CPPED1: variants seen among roughly 807,000 people sequenced by gnomAD.
CPPED1 encodes serine/threonine-protein phosphatase CPPED1.
A neutral mutation model predicts 28.0 loss-of-function variants in CPPED1; 28 were observed. The observed-to-expected ratio is 1.00, with a 90% CI of 0.74 to 1.37. The LOEUF is 1.37. Ranked by LOEUF, CPPED1 falls within the 40% of genes most tolerant of loss-of-function variation. CPPED1 has a pLI of 0.00. For missense variants in CPPED1, 504 were observed against 416.5 expected, an observed-to-expected ratio of 1.21 and a Z score of -1.83; for synonymous variants, 198 against 180.2, an observed-to-expected ratio of 1.10 and a Z score of -0.79.
intron 2 of CPPED1, among the ~76,000 whole-genome samples, chr16:12,779,179 G>A (rs999621567): frequency 6.6e-6 from 1 of 152,054 alleles, no homozygotes; most frequent in African/African-American, 2.4e-5. Context: ...TTTTTAAAGA[G>A]AAGAAACCAC....
chr16:12,720,464 A>AT (rs796546182), intron 2 of CPPED1: 12 of 153,484 alleles, frequency 7.8e-5, no homozygotes, highest in African/African-American at 2.9e-4. Context: ...TTTACCTTTG[A>AT]TATTAACAAA....
intron 3 of CPPED1, among the ~76,000 whole-genome samples, chr16:12,683,514 C>G (rs1476359539): frequency 6.6e-6 from 1 of 152,202 alleles, no homozygotes; most frequent in Non-Finnish European, 1.5e-5. Flanking sequence ...GTGGACCTCT[C>G]TTCTGGACAT....
intron 2 of CPPED1, among the ~76,000 whole-genome samples, chr16:12,712,648 G>A (rs530334753): frequency 6.6e-6 from 1 of 152,310 alleles, no homozygotes; most frequent in African/African-American, 2.4e-5. Context: ...TAGAAAAGGT[G>A]CACTGTTAAG....
At chr16:12,762,334 G>A (rs755882414) in intron 2 of CPPED1, among the ~76,000 whole-genome samples, 2 of 152,154 alleles carry the variant, frequency 1.3e-5, no homozygotes, top group African/African-American at 4.8e-5. Flanking sequence ...GTAAAAATAT[G>A]ATATTGTACT....
chr16:12,747,722 C>T (rs2080299697), intron 2 of CPPED1, among the ~76,000 whole-genome samples: 1 of 152,054 alleles, frequency 6.6e-6, no homozygotes, highest in African/African-American at 2.4e-5. Context: ...CCGGCCTTAA[C>T]GAGGAAACTT....
intron 3 of CPPED1, among the ~76,000 whole-genome samples, chr16:12,672,833 G>C (rs1185921451): frequency 2.6e-5 from 4 of 152,088 alleles, no homozygotes; most frequent in African/African-American, 9.7e-5. Flanking sequence ...GGCCAAGATG[G>C]CAAAACCCCA....
intron 3 of CPPED1, 113 bp downstream of exon 3, chr16:12,704,511 G>A (rs982065144): frequency 2.4e-5 from 27 of 1,140,242 alleles, no homozygotes; most frequent in Middle Eastern, 2.4e-4. Flanking sequence ...CAGAACTCCC[G>A]GCCTAGTCCT....
intron 2 of CPPED1, among the ~76,000 whole-genome samples, chr16:12,728,745 G>A (rs984318893): frequency 6.6e-6 from 1 of 152,184 alleles, no homozygotes; most frequent in South Asian, 2.1e-4. Context: ...GACATCAAAT[G>A]AAGTGAGCTA....
At chr16:12,794,402 G>A (rs1351227309) in intron 1 of CPPED1, among the ~76,000 whole-genome samples, 1 of 151,714 alleles carries the variant, frequency 6.6e-6, no homozygotes, top group Non-Finnish European at 1.5e-5. Flanking sequence ...TGTAGGGTAT[G>A]CTAACAGTTG....
chr16:12,740,230 G>A (rs1484843747), intron 2 of CPPED1, among the ~76,000 whole-genome samples: 2 of 151,864 alleles, frequency 1.3e-5, no homozygotes, highest in African/African-American at 4.8e-5. Context: ...GCGGGTACCT[G>A]AGGTCAGGAG....
intron 3 of CPPED1, among the ~76,000 whole-genome samples, chr16:12,691,842 T>C (rs2079964991): frequency 7.0e-6 from 1 of 142,128 alleles, no homozygotes. Flanking sequence ...AGGGATAGCA[T>C]TAGGAGACAT....
At chr16:12,779,648 C>A (rs1260799941) in intron 2 of CPPED1, among the ~76,000 whole-genome samples, 1 of 152,082 alleles carries the variant, frequency 6.6e-6, no homozygotes, top group Non-Finnish European at 1.5e-5. Context: ...TCCCGGCCTC[C>A]CAAAGCACAT....
intron 2 of CPPED1, chr16:12,752,935 A>G (rs2080339816): frequency 1.3e-5 from 2 of 150,192 alleles, no homozygotes; most frequent in African/African-American, 4.9e-5. Context: ...TATATTAATG[A>G]CATATATCTA....
chr16:12,700,809 G>T (rs1463954549), intron 3 of CPPED1, among the ~76,000 whole-genome samples: 1 of 152,198 alleles, frequency 6.6e-6, no homozygotes, highest in Non-Finnish European at 1.5e-5. Context: ...CCCTCAGGGA[G>T]CTGAGAGTTT....
At position 12,664,442 on chromosome 16, in the gene CPPED1, A is replaced by T. The variant is rs2079813492; in HGVS notation, c.*444T>A. The T allele has an allele frequency of 9.9e-7, 1 of 1,007,904 alleles. No individual in the cohort carries two copies. Among genetic ancestry groups the T allele is most frequent in the African/African-American group, 1.7e-5 (1 of 57,358 alleles). 62.4% of individuals were successfully genotyped at this position (1,007,904 alleles called of 1,614,324 possible). A position where few individuals can be genotyped will look rare whatever the true frequency, so the allele number is the denominator to read the frequency against. ...AAAGGAGATGAACTTTGTTTTGCCT[A>T]GCGTTTTGGGAATCGTGACCACAAT... is the stretch of plus-strand genomic sequence containing the variant. On this transcript the variant is annotated 3_prime_UTR_variant, in exon 4 of 4. Coordinates refer to ENST00000381774, the MANE Select transcript of CPPED1 (RefSeq NM_018340.3). The surrounding 1 kb of genome is among the most constrained non-coding windows in gnomAD (Gnocchi z 4.2).
In CPPED1 at chr16:12,723,088, C is replaced by A. The variant is rs796840223; in HGVS notation, c.290-18039G>T. Among the ~76,000 whole-genome samples, 6 of 152,136 alleles carry A rather than the reference C, an allele frequency of 3.9e-5. No individual in the cohort carries two copies. In the East Asian group the frequency reaches 9.6e-4, roughly 24 times the overall value. On this transcript the variant is annotated intron_variant, in intron 2 of 3. Coordinates refer to ENST00000381774, the MANE Select transcript of CPPED1 (RefSeq NM_018340.3). ...CAGGAGGGTCGGCAACGTCTCCACC[C>A]GGCTCCCATCTAACTTCCGTATGTG...
rs778946142 is a variant in CPPED1 at position 12,803,718 on chromosome 16, G to C, written c.59C>G (p.Ala20Gly). 4.4e-6 allele frequency: 7 copies of C among 1,579,996 alleles called. No individual in the cohort carries two copies. Among genetic ancestry groups the C allele is most frequent in the Non-Finnish European group, 6.0e-6 (7 of 1,165,208 alleles). Residue 20 changes from alanine (A) to glycine (G), a missense_variant, in exon 1 of 4, where the codon GCG becomes GGG. Coordinates refer to ENST00000381774, the MANE Select transcript of CPPED1 (RefSeq NM_018340.3). Reference protein sequence around the residue: ...FHRARGRTLAAFPAEKESEWK... With the variant: ...FHRARGRTLAGFPAEKESEWK... ...GGGGCGGGCAGTACCTGCGGGAAAC[G>C]CGGCCAGGGTCCTGCCCCTGGCTCT...
chr16:12,790,698 C>T (rs112538452), intron 1 of CPPED1, among the ~76,000 whole-genome samples: 3,442 of 151,728 alleles, frequency 0.023, 86 homozygotes, highest in African/African-American at 0.064. Flanking sequence ...AGTGGCGGGG[C>T]GGGGGTTGGA....
intron 2 of CPPED1, among the ~76,000 whole-genome samples, chr16:12,711,838 A>G (rs2080081666): frequency 6.6e-6 from 1 of 152,166 alleles, no homozygotes. Context: ...AAATTCTGTG[A>G]GATAAATGAG....
Sources: allele counts gnomAD v4.1 joint callset (sites outside exome capture counted in the v4.1 genomes callset), GRCh38; gene constraint gnomAD v4.1.1; non-coding constraint Gnocchi (gnomAD v3.1); transcripts MANE v1.5; gene names NCBI Gene and HGNC (gene_info 2026-07-23, HGNC 2026-07-21).